The following NRG4 variants were observed in gnomAD, a reference collection of about 807,000 sequenced individuals.
NRG4 encodes neuregulin 4, also known as pro-neuregulin-4, membrane-bound isoform.
NRG4 carries 10 observed loss-of-function variants against 15.0 expected under a neutral mutation model. The observed-to-expected ratio is 0.67, with a 90% confidence interval of 0.41 to 1.13. The LOEUF is 1.13. NRG4 is among the 50% of genes most tolerant of loss of function. The probability of loss-of-function intolerance (pLI) is 0.00; values close to 1 mark genes in which losing one functional copy is unlikely to be tolerated. For missense variants in NRG4, 139 were observed against 140.2 expected, an observed-to-expected ratio of 0.99 and a Z score of 0.04; for synonymous variants, 41 against 50.1, an observed-to-expected ratio of 0.82 and a Z score of 0.77.
chr15:76,021,927 G>C (rs1178837145), intron 5 of NRG4, among the ~76,000 whole-genome samples: 1 of 152,208 alleles, frequency 6.6e-6, no homozygotes, highest in Non-Finnish European at 1.5e-5. Flanking sequence ...GATGGTTTCA[G>C]GTTGAAATTA....
intron 4 of NRG4, among the ~76,000 whole-genome samples, chr15:76,046,322 G>A (rs938059561): frequency 4.0e-5 from 6 of 150,902 alleles, no homozygotes; most frequent in Admixed American, 1.3e-4. Flanking sequence ...AAATGCGAAC[G>A]GCGTTCTTTA....
intron 3 of NRG4, among the ~76,000 whole-genome samples, chr15:75,987,192 A>G (rs1378594745): frequency 6.6e-6 from 1 of 152,206 alleles, no homozygotes; most frequent in African/African-American, 2.4e-5. Flanking sequence ...GGCCTTGGAG[A>G]AAAATGATTA....
chr15:75,983,163 A>G (rs2033665589), intron 3 of NRG4, among the ~76,000 whole-genome samples: 1 of 152,214 alleles, frequency 6.6e-6, no homozygotes, highest in African/African-American at 2.4e-5. Context: ...CGAACCAGAT[A>G]TTGGAACAAA....
chr15:76,001,349 G>C (rs2034409554), intron 3 of NRG4, among the ~76,000 whole-genome samples: 1 of 151,940 alleles, frequency 6.6e-6, no homozygotes. Flanking sequence ...ATTATTTGTA[G>C]TAATATATTT....
intron 3 of NRG4, among the ~76,000 whole-genome samples, chr15:75,980,015 G>A (rs1053617657): frequency 2.4e-4 from 37 of 152,058 alleles, no homozygotes; most frequent in African/African-American, 8.2e-4. Flanking sequence ...AGACGTTTGT[G>A]GCTATATATG....
intron 4 of NRG4, among the ~76,000 whole-genome samples, chr15:76,044,292 G>A (rs1322829706): frequency 6.7e-6 from 1 of 150,290 alleles, no homozygotes; most frequent in African/African-American, 2.5e-5. Context: ...GTGAGCCACC[G>A]CGCCCGGCCA....
At chr15:76,013,608 T>C (rs1421988550), upstream of NRG4, among the ~76,000 whole-genome samples, 1 of 152,164 alleles carries the variant, frequency 6.6e-6, no homozygotes, top group Non-Finnish European at 1.5e-5. Context: ...TTTTCTGTTC[T>C]TGTGTTAGTT....
chr15:76,055,869 C>T (rs2036139202), intron 2 of NRG4, among the ~76,000 whole-genome samples: 1 of 152,186 alleles, frequency 6.6e-6, no homozygotes, highest in Non-Finnish European at 1.5e-5. Flanking sequence ...AAATTCTCTA[C>T]AGATAATGAG....
chr15:75,955,745 G>A (rs1445680093), intron 5 of NRG4, among the ~76,000 whole-genome samples, 187 bp downstream of exon 5: 3 of 140,082 alleles, frequency 2.1e-5, no homozygotes. Context: ...TGTGATTTGT[G>A]TCATACTGAT....
chr15:75,993,068 C>T (rs2034080085), intron 3 of NRG4, among the ~76,000 whole-genome samples: 1 of 151,954 alleles, frequency 6.6e-6, no homozygotes, highest in African/African-American at 2.4e-5. Context: ...TTTTGGTCTC[C>T]ATGATTTCTG....
intron 5 of NRG4, among the ~76,000 whole-genome samples, chr15:76,034,096 A>G (rs961032163): frequency 6.6e-6 from 1 of 152,218 alleles, no homozygotes; most frequent in Non-Finnish European, 1.5e-5. Flanking sequence ...CAATTACTGC[A>G]AACAGCTTTA....
At chr15:76,019,277 G>A (rs1461779039) in intron 5 of NRG4, among the ~76,000 whole-genome samples, 1 of 152,092 alleles carries the variant, frequency 6.6e-6, no homozygotes, top group African/African-American at 2.4e-5. Flanking sequence ...CTCCGTGGGG[G>A]TGGGATCTGC....
At chr15:76,017,155 C>CTTTT (rs66838505), upstream of NRG4, among the ~76,000 whole-genome samples, 487 of 52,184 alleles carry the variant, frequency 9.3e-3, 24 homozygotes, top group African/African-American at 0.011. Flanking sequence ...CAACCCCTGC[C>CTTTT]TTTTTTTTTT....
At chr15:76,057,252 G>GA (rs2036176444) in intron 1 of NRG4, 1 of 151,756 alleles carries the variant, frequency 6.6e-6, no homozygotes, top group Non-Finnish European at 1.5e-5. Flanking sequence ...TCAACCCCCT[G>GA]ATATTAGATT....
At chr15:76,020,506 A>T (rs2035119463) in intron 5 of NRG4, among the ~76,000 whole-genome samples, 1 of 152,214 alleles carries the variant, frequency 6.6e-6, no homozygotes, top group African/African-American at 2.4e-5. Flanking sequence ...CCTCTAAGCC[A>T]GGGATGTCCA....
chr15:75,972,774 C>T (rs1051461127), intron 3 of NRG4, among the ~76,000 whole-genome samples: 1 of 152,070 alleles, frequency 6.6e-6, no homozygotes, highest in Non-Finnish European at 1.5e-5. Flanking sequence ...GTTACTGTAG[C>T]CTTATAGTAT....
intron 4 of NRG4, among the ~76,000 whole-genome samples, chr15:76,039,605 C>T (rs1282089683): frequency 6.6e-6 from 1 of 152,032 alleles, no homozygotes; most frequent in Non-Finnish European, 1.5e-5. Flanking sequence ...AGCACACCTA[C>T]ATTATCTAGA....
intron 4 of NRG4, among the ~76,000 whole-genome samples, chr15:76,040,471 A>C (rs2035708067): frequency 6.6e-6 from 1 of 152,226 alleles, no homozygotes; most frequent in African/African-American, 2.4e-5. Flanking sequence ...GAAAAAGAAA[A>C]GGATGTCAAT....
intron 4 of NRG4, among the ~76,000 whole-genome samples, chr15:76,042,377 G>C (rs191390): frequency 6.6e-6 from 1 of 151,518 alleles, no homozygotes; most frequent in Non-Finnish European, 1.5e-5. Flanking sequence ...TAAAAAGTTG[G>C]TTTTTTGAAA....
Sources: gnomAD v4.1 joint callset for allele counts (sites outside exome capture counted in the v4.1 genomes callset) on GRCh38, gnomAD v4.1.1 for gene constraint, MANE v1.5 for transcripts, NCBI Gene and HGNC (gene_info 2026-07-23, HGNC 2026-07-21) for gene names.